Variants in BSCL2 observed in about 807,000 individuals in gnomAD.
BSCL2 encodes the protein BSCL2 lipid droplet biogenesis associated, seipin, also known as seipin.
In BSCL2, 41 loss-of-function variants were observed where a neutral mutation model predicts 57.4. The ratio of observed to expected loss-of-function variants is 0.71; its 90% CI spans 0.56 to 0.93. The LOEUF is 0.93. Ranked by LOEUF, BSCL2 falls within the 40% of genes least tolerant of loss-of-function variation. The probability of loss-of-function intolerance (pLI) is 0.00; values close to 1 mark genes in which losing one functional copy is unlikely to be tolerated. For missense variants in BSCL2, 539 were observed against 586.7 expected (o/e 0.92, Z 0.84); for synonymous variants, 237 against 227.3 (o/e 1.04, Z -0.38).
chr11:62,708,480 C>A, upstream of BSCL2: 1 of 1,229,024 alleles, frequency 8.1e-7, no homozygotes, highest in African/African-American at 1.5e-5. Context: ...GAGATGCGTT[C>A]TTTCCTTCAC....
rs763070770 is a variant in BSCL2, at chr11:62,691,099, G to A, written c.1048C>T (p.Arg350Ter). Residue 350 changes from arginine to a stop codon, truncating the protein, a stop_gained, in exon 8 of 11, where the codon CGA (arginine) becomes TGA (stop). Coordinates refer to ENST00000360796, the MANE Select transcript of BSCL2 (RefSeq NM_001122955.4). LOFTEE classifies it high-confidence loss of function. The stretch of plus-strand genomic sequence containing the variant: ...CCTGGCTGATGAGCAGAGATCCTTC[G>A]TTGGACTTCCTTCCGGGAATTGTCT... Reference protein sequence around the residue: ...KRDNSRKEVQRRISAHQPGPE... With the variant: ...KRDNSRKEVQ 5.6e-6 allele frequency: 9 copies of A among 1,614,224 alleles called. No individual in the cohort carries two copies. The highest frequency in any genetic ancestry group is 3.3e-5 in the South Asian group (3 of 91,084).
At chr11:62,696,863 T>C (rs1034671687) in intron 3 of BSCL2, among the ~76,000 whole-genome samples, 5 of 151,968 alleles carry the variant, frequency 3.3e-5, no homozygotes, top group Non-Finnish European at 5.9e-5. Flanking sequence ...CCCAAATTCT[T>C]TGAAACATTA....
upstream of BSCL2, chr11:62,709,283 A>G (rs1198954748): frequency 4.4e-6 from 2 of 454,116 alleles, no homozygotes; most frequent in African/African-American, 4.0e-5. Flanking sequence ...AGGGCCAATC[A>G]ATGCAGGCTA....
intron 4 of BSCL2, 29 bp downstream of exon 4, chr11:62,694,539 A>T (rs1388387280): frequency 2.5e-6 from 4 of 1,613,510 alleles, no homozygotes; most frequent in East Asian, 4.5e-5. Flanking sequence ...CTTCCTCCAC[A>T]CCTTCTCAGA....
chr11:62,705,061 A>ATT (rs1945779048), intron 2 of BSCL2, among the ~76,000 whole-genome samples: 1 of 151,290 alleles, frequency 6.6e-6, no homozygotes, highest in Non-Finnish European at 1.5e-5. Flanking sequence ...TAATGATAGA[A>ATT]GTGGATATTT....
intron 2 of BSCL2, 124 bp from the exon 3 acceptor site, chr11:62,702,673 C>CT (rs1945680045): frequency 2.7e-6 from 2 of 745,170 alleles, no homozygotes; most frequent in Admixed American, 4.2e-5. Context: ...ACCCTTCTCT[C>CT]TGTTACAAAG....
intron 3 of BSCL2, 53 bp downstream of exon 3, chr11:62,702,414 CT>C: frequency 4.0e-6 from 6 of 1,503,164 alleles, no homozygotes; most frequent in Non-Finnish European, 5.5e-6. Flanking sequence ...TCAAGTCTTC[CT>C]ATTTTGAGTC....
At position 62,707,357 on chromosome 11, in the gene BSCL2, G is replaced by T; in HGVS notation, c.-162C>A. 1.4e-6 allele frequency: 1 copy of T among 738,364 alleles called. No homozygotes were observed. The highest frequency in any genetic ancestry group is 2.4e-6 in the Non-Finnish European group (1 of 415,866). 45.7% of individuals were successfully genotyped at this position (738,364 alleles called of 1,614,324 possible). On this transcript the variant is annotated 5_prime_UTR_variant, in exon 1 of 11. Transcript: ENST00000360796. ...AGAAACGAAGATTCAGGTGCTAAGT[G>T]CTGTGTCAGAGTAGAGGGAGGAAAG... is the stretch of plus-strand genomic sequence containing the variant.
At chr11:62,708,439 C>T, upstream of BSCL2, 1 of 1,406,322 alleles carries the variant, frequency 7.1e-7, no homozygotes, top group Non-Finnish European at 1.0e-6. Flanking sequence ...CCAGGCTGTG[C>T]TGTGCTGCAG....
intron 1 of BSCL2, chr11:62,706,153 C>A (rs2083528715): frequency 1.0e-6 from 1 of 994,292 alleles, no homozygotes; most frequent in African/African-American, 1.8e-5. Context: ...CCGCCGCTTC[C>A]CGCCAGTCCC....
At chr11:62,694,402 G>A (rs985938542) in intron 4 of BSCL2, among the ~76,000 whole-genome samples, 166 bp downstream of exon 4, 3 of 150,706 alleles carry the variant, frequency 2.0e-5, no homozygotes, top group Non-Finnish European at 4.4e-5. Flanking sequence ...GATGGGTTTC[G>A]CCATGTTGCC....
intron 4 of BSCL2, 102 bp downstream of exon 4, chr11:62,694,466 A>G: frequency 1.3e-6 from 2 of 1,572,064 alleles, no homozygotes; most frequent in Non-Finnish European, 1.7e-6. Context: ...CGGCCTCCCA[A>G]ACTGCTGGGA....
At chr11:62,708,713 T>C (rs571336571), upstream of BSCL2, 993 of 1,614,072 alleles carry the variant, frequency 6.2e-4, 13 homozygotes, top group South Asian at 9.5e-3. Flanking sequence ...TGACTTACTG[T>C]GATGCCCACG....
upstream of BSCL2, chr11:62,708,336 G>C: frequency 6.2e-7 from 1 of 1,613,812 alleles, no homozygotes; most frequent in Non-Finnish European, 8.5e-7. Flanking sequence ...ATGAGTATTG[G>C]GCAAGCACGC....
intron 3 of BSCL2, among the ~76,000 whole-genome samples, chr11:62,700,014 A>G (rs181575745): frequency 5.4e-4 from 80 of 148,192 alleles, no homozygotes; most frequent in African/African-American, 2.0e-3. Flanking sequence ...CTGAGTCGGG[A>G]GGACCACTTG....
chr11:62,692,741 AG>A lies in BSCL2; in HGVS notation c.686del (p.Ser229LeufsTer68). 1 of 1,614,100 alleles carries A rather than the reference AG, an allele frequency of 6.2e-7. No individual in the cohort carries two copies. The part of the protein sequence containing the change: ...LLQMLDTLVF[S>X]SLLLFGFAEQ... ...CTGCAAAGCCAAATAGCAGGAGGCT[AG>A]AGAAGACCAGTGTGTCCAGCATCTG... On this transcript the variant is annotated frameshift_variant, in exon 5 of 11. Coordinates refer to ENST00000360796, the MANE Select transcript of BSCL2 (RefSeq NM_001122955.4). LOFTEE classifies it high-confidence loss of function.
In BSCL2 at chr11:62,696,278, TTGTGTG is replaced by T. The variant is rs1197051764; in HGVS notation, c.487-1573_487-1568del. Among the ~76,000 whole-genome samples, 1,107 of 136,320 alleles carry T rather than the reference TTGTGTG, an allele frequency of 8.1e-3. 13 individuals carry two copies. Among genetic ancestry groups the T allele is most frequent in the Non-Finnish European group, 0.013 (807 of 64,110 alleles). The allele number at this position is 136,320 out of a possible 152,430, so 89.4% of individuals were successfully genotyped here. ...TTAAGCCAGTTGCTTCATAAACTTT[TTGTGTG>T]TGTGTGTGTGTGTGTGTGTGTGTGT... On this transcript the variant is annotated intron_variant, in intron 3 of 10. Transcript: ENST00000360796.
upstream of BSCL2, chr11:62,708,441 G>C: frequency 7.2e-7 from 1 of 1,387,280 alleles, no homozygotes; most frequent in Admixed American, 1.7e-5. Flanking sequence ...AGGCTGTGCT[G>C]TGCTGCAGGT....
chr11:62,693,875 C>T (rs1221431206), intron 4 of BSCL2, among the ~76,000 whole-genome samples: 1 of 151,746 alleles, frequency 6.6e-6, no homozygotes. Context: ...AATGCAGTGG[C>T]GCGATCTTGG....
Sources: gnomAD v4.1 joint callset for allele counts (sites outside exome capture counted in the v4.1 genomes callset) on GRCh38, gnomAD v4.1.1 for gene constraint, MANE v1.5 for transcripts, NCBI Gene and HGNC (gene_info 2026-07-23, HGNC 2026-07-21) for gene names.